AMY2A: variants seen among roughly 807,000 people sequenced by gnomAD.
AMY2A encodes the protein amylase alpha 2A.
In AMY2A, 16 loss-of-function variants were observed where a neutral mutation model predicts 43.0. The observed-to-expected ratio is 0.37, with a 90% CI of 0.25 to 0.56. The LOEUF (loss-of-function observed/expected upper bound fraction) is 0.56. Ranked by LOEUF, AMY2A falls within the 20% of genes least tolerant of loss-of-function variation. The pLI is 0.77. For missense variants in AMY2A, 212 were observed against 456.8 expected, an observed-to-expected ratio of 0.46 and a Z score of 4.89; for synonymous variants, 70 against 144.6, an observed-to-expected ratio of 0.48 and a Z score of 3.70.
rs546073193 is a variant in AMY2A, at chr1:103,618,793, T to C, written c.316-118T>C. ...GATTTTTGATCTTGTAGGAAAATAA[T>C]TATAAGATATCATGAAATATTTTGG... On this transcript the variant is annotated intron_variant, in intron 2 of 9. Transcript: ENST00000414303. The C allele has an allele frequency of 8.2e-6, 12 of 1,462,844 alleles. No homozygotes were observed. The East Asian group carries it at 2.5e-4, about 31-fold the overall frequency. 90.6% of individuals were successfully genotyped at this position (1,462,844 alleles called of 1,614,324 possible). A position where few individuals can be genotyped will look rare whatever the true frequency, so the allele number is the denominator to read the frequency against.
upstream of AMY2A, chr1:103,616,826 G>A (rs1440119630): frequency 1.2e-5 from 3 of 251,190 alleles, no homozygotes; most frequent in East Asian, 1.8e-4. Flanking sequence ...CGGTGAGTCT[G>A]TGCGGCCAGC....
chr1:103,617,159 G>A (rs1653098505), upstream of AMY2A: 1 of 966,152 alleles, frequency 1.0e-6, no homozygotes, highest in Admixed American at 3.4e-5. Context: ...ACTGTTATGT[G>A]AGAACATTAG....
chr1:103,619,151 T>C, intron 3 of AMY2A, 43 bp downstream of exon 3: 1 of 651,024 alleles, frequency 1.5e-6, no homozygotes, highest in Non-Finnish European at 2.5e-6. Context: ...GAGTAATATA[T>C]GCCTTTTCTT....
chr1:103,618,183 A>G, intron 2 of AMY2A, 83 bp downstream of exon 2: 2 of 1,511,714 alleles, frequency 1.3e-6, no homozygotes, highest in South Asian at 1.3e-5. Flanking sequence ...TTCAGCAGAA[A>G]ATTTTCCGTA....
Position 103,619,043 on chromosome 1 carries a change from G to C in AMY2A, c.448G>C (p.Asp150His). 1 of 1,294,238 alleles carries C rather than the reference G, an allele frequency of 7.7e-7. No homozygotes were observed. The highest frequency in any genetic ancestry group is 1.0e-6 in the Non-Finnish European group (1 of 958,518). The allele number at this position is 1,294,238 out of a possible 1,614,324, so 80.2% of individuals were successfully genotyped here. ...TCCAGCAGTCCCATATTCTGGATGG[G>C]ATTTCAATGATGGTAAATGTAAAAC... Reference protein sequence around the residue: ...DFPAVPYSGWDFNDGKCKTGS... With the variant: ...DFPAVPYSGWHFNDGKCKTGS... The change falls in exon 3 of 10, where the codon GAT becomes CAT. Residue 150 changes from aspartate to histidine, a missense_variant. Physicochemically the swap from Asp to His is moderately conservative, Grantham distance 81. Around this residue, in one of 2 missense-constraint regions of AMY2A, gnomAD observed 199 missense variants for 210.6 expected, o/e 0.94. Transcript: ENST00000414303.
upstream of AMY2A, chr1:103,616,807 A>G (rs893730789): frequency 1.0e-5 from 2 of 191,268 alleles, no homozygotes; most frequent in Non-Finnish European, 2.0e-5. Flanking sequence ...GTGGAAGACC[A>G]GTCTGGCTCG....
At chr1:103,617,268 G>T, upstream of AMY2A, 2 of 1,345,366 alleles carry the variant, frequency 1.5e-6, no homozygotes, top group Non-Finnish European at 2.0e-6. Context: ...ATTTCCATGA[G>T]AGACTTTTTG....
At chr1:103,618,420 G>C (rs1653141663) in intron 2 of AMY2A, among the ~76,000 whole-genome samples, 3 of 150,632 alleles carry the variant, frequency 2.0e-5, no homozygotes, top group East Asian at 1.9e-4. Flanking sequence ...TACAATGTTT[G>C]CTATCATTTT....
upstream of AMY2A, chr1:103,617,060 G>A: frequency 2.0e-6 from 2 of 977,354 alleles, no homozygotes; most frequent in Non-Finnish European, 2.6e-6. Context: ...ATTTATACCT[G>A]TAAAAGTATT....
Position 103,619,055 on chromosome 1 carries a change from G to A in AMY2A, c.460G>A (p.Gly154Ser). The A allele has an allele frequency of 1.5e-6, 2 of 1,291,412 alleles. No homozygotes were observed. Among genetic ancestry groups the A allele is most frequent in the Non-Finnish European group, 2.1e-6 (2 of 957,976 alleles). 80.0% of individuals were successfully genotyped at this position (1,291,412 alleles called of 1,614,324 possible). The change falls in exon 3 of 10, where the codon GGT (glycine) becomes AGT (serine). Residue 154 changes from glycine (G) to serine (S), a missense_variant. Physicochemically the swap from Gly to Ser is moderately conservative, Grantham distance 56. This residue lies in a region of AMY2A where 199 missense variants were observed against 210.6 expected (regional missense o/e 0.94). Transcript: ENST00000414303. ...ATATTCTGGATGGGATTTCAATGAT[G>A]GTAAATGTAAAACTGGAAGTGGAGA... The part of the protein sequence containing the change: ...VPYSGWDFND[G>S]KCKTGSGDIE...
intron 4 of AMY2A, among the ~76,000 whole-genome samples, chr1:103,620,008 A>G (rs1470473171): frequency 9.9e-5 from 15 of 151,346 alleles, no homozygotes; most frequent in African/African-American, 3.6e-4. Flanking sequence ...TTATGTCTTT[A>G]CTTTCTTTGG....
At chr1:103,617,641 T>G in intron 1 of AMY2A, 33 bp downstream of exon 1, 1 of 1,601,010 alleles carries the variant, frequency 6.2e-7, no homozygotes, top group Non-Finnish European at 8.5e-7. Flanking sequence ...ATTGCGGAAT[T>G]CACTGTGCTT....
rs752306469 is a variant in AMY2A at position 103,617,615 on chromosome 1, A to G, written c.168+7A>G. The G allele has an allele frequency of 2.5e-6, 4 of 1,601,056 alleles. No individual in the cohort carries two copies. Among genetic ancestry groups the G allele is most frequent in the East Asian group, 2.2e-5 (1 of 44,850 alleles). ...GGGATTTGGAGGGGTTCAGGTGGGT[A>G]TGATTCATAGTATCAATTGCGGAAT... On this transcript the variant is annotated splice_region_variant and intron_variant, in intron 1 of 9. Transcript: ENST00000414303.
At chr1:103,619,149 T>A in intron 3 of AMY2A, 41 bp downstream of exon 3, 1 of 677,438 alleles carries the variant, frequency 1.5e-6, no homozygotes, top group East Asian at 3.2e-5. Context: ...AAGAGTAATA[T>A]ATGCCTTTTC....
At chr1:103,623,747 C>G (rs536279236) in intron 7 of AMY2A, 119 bp from the exon 8 acceptor site, 1 of 1,170,098 alleles carries the variant, frequency 8.5e-7, no homozygotes, top group Admixed American at 1.8e-5. Context: ...GCATTGGATT[C>G]TAGATAAAGT....
chr1:103,617,669 G>C lies in AMY2A; in HGVS notation c.168+61G>C. On this transcript the variant is annotated intron_variant, in intron 1 of 9. Transcript: ENST00000414303. ...CTGTGCTTGTAGGAAATAGTATTCT[G>C]ATCTTATCTGTGAAGCTTGGGCAAC... 8.1e-6 allele frequency: 13 copies of C among 1,599,678 alleles called. 1 individual carries two copies. Among genetic ancestry groups the C allele is most frequent in the Non-Finnish European group, 1.1e-5 (13 of 1,170,010 alleles).
Position 103,618,119 on chromosome 1 carries a change from C to T in AMY2A, c.315+19C>T, listed in dbSNP as rs765080911. 27 of 1,588,866 alleles carry T rather than the reference C, an allele frequency of 1.7e-5. No individual in the cohort carries two copies. The South Asian group carries it at 3.0e-4, about 18-fold the overall frequency. The stretch of plus-strand genomic sequence containing the variant: ...TGTTGGGGTAAGTGAATTCTAGTTT[C>T]CTTTAAAAATAACAGACAGGAAAAT... On this transcript the variant is annotated intron_variant, in intron 2 of 9. Transcript: ENST00000414303.
At chr1:103,623,225 G>A (rs1192609724) in intron 7 of AMY2A, among the ~76,000 whole-genome samples, 2 of 116,040 alleles carry the variant, frequency 1.7e-5, no homozygotes, top group Admixed American at 1.7e-4. Context: ...ATTTTCTCAG[G>A]TACTAGTAAT....
intron 2 of AMY2A, 94 bp downstream of exon 2, chr1:103,618,194 T>G: frequency 1.3e-6 from 2 of 1,489,798 alleles, no homozygotes; most frequent in African/African-American, 1.4e-5. Flanking sequence ...ATTTTCCGTA[T>G]TTTATTTTTT....
Sources: gnomAD v4.1 joint callset for allele counts (sites outside exome capture counted in the v4.1 genomes callset) on GRCh38, gnomAD v4.1.1 for gene constraint, gnomAD v4.1.1 regional missense constraint, MANE v1.5 for transcripts, NCBI Gene and HGNC (gene_info 2026-07-23, HGNC 2026-07-21) for gene names.